HECW2: variants seen among roughly 807,000 people sequenced by gnomAD.
HECW2 encodes the protein E3 ubiquitin-protein ligase HECW2.
HECW2 carries 61 observed loss-of-function variants against 175.2 expected under a neutral mutation model. The ratio of observed to expected loss-of-function variants is 0.35; its 90% confidence interval spans 0.28 to 0.43. The LOEUF is 0.43. Among genes scored for constraint, HECW2 ranks in the 20% least tolerant of loss-of-function variants. HECW2 has a pLI of 1.00. For missense variants in HECW2, 1,524 were observed against 2,000.5 expected (o/e 0.76, Z 4.54); for synonymous variants, 671 against 731.0 (o/e 0.92, Z 1.32).
At chr2:196,321,681 T>C (rs1377599999) in intron 7 of HECW2, among the ~76,000 whole-genome samples, 2 of 152,200 alleles carry the variant, frequency 1.3e-5, no homozygotes, top group Non-Finnish European at 1.5e-5. Flanking sequence ...ATTACAGGAA[T>C]GAGCTGCCGT....
At position 196,542,266 on chromosome 2, in the gene HECW2, A is replaced by G. The variant is rs559921793; in HGVS notation, c.-36+51242T>C. On this transcript the variant is annotated intron_variant, in intron 1 of 28. Coordinates refer to ENST00000644978, the MANE Select transcript of HECW2 (RefSeq NM_001348768.2). ...GCGACAGAGTGAGACTCTGTCTCAG[A>G]AAAAAAAAAAAAAAAAGACAAAGGC... 9.0e-4 allele frequency among the ~76,000 whole-genome samples: 60 copies of G among 66,444 alleles called. 1 individual carries two copies. The South Asian group carries it at 0.022, about 24-fold the overall frequency. The allele number at this position is 66,444 out of a possible 152,430, so 43.6% of individuals were successfully genotyped here.
intron 13 of HECW2, among the ~76,000 whole-genome samples, chr2:196,295,006 G>A (rs1437355949): frequency 1.3e-5 from 2 of 152,292 alleles, no homozygotes; most frequent in East Asian, 3.9e-4. Context: ...AAGGAAAGAA[G>A]AAAGGAAGGG....
chr2:196,539,404 G>A (rs567422457), intron 1 of HECW2, among the ~76,000 whole-genome samples: 148 of 152,284 alleles, frequency 9.7e-4, no homozygotes, highest in Non-Finnish European at 1.4e-3. Flanking sequence ...AGGCCGAGGC[G>A]GGTGGATCAT....
chr2:196,251,236 C>T (rs1192676300), intron 19 of HECW2, among the ~76,000 whole-genome samples: 2 of 152,158 alleles, frequency 1.3e-5, no homozygotes, highest in Non-Finnish European at 2.9e-5. Context: ...AACCCGGCTC[C>T]CCTGAAAAGA....
chr2:196,398,852 T>C (rs541378055), intron 2 of HECW2, among the ~76,000 whole-genome samples: 1 of 152,136 alleles, frequency 6.6e-6, no homozygotes, highest in Non-Finnish European at 1.5e-5. Context: ...TGCACGCCTG[T>C]AGTCCCAGCT....
intron 13 of HECW2, 21 bp from the exon 14 acceptor site, chr2:196,292,771 C>G: frequency 6.3e-7 from 1 of 1,591,178 alleles, no homozygotes; most frequent in Non-Finnish European, 8.6e-7. Flanking sequence ...GAATGGAGAA[C>G]CAATGTTAAC....
intron 3 of HECW2, among the ~76,000 whole-genome samples, chr2:196,337,315 ATT>A (rs36056934): frequency 6.9e-6 from 1 of 145,362 alleles, no homozygotes; most frequent in Non-Finnish European, 1.5e-5. Context: ...CAAGAGGAGC[ATT>A]TTTTTTTTTT....
chr2:196,534,004 T>G (rs542543494), intron 1 of HECW2, among the ~76,000 whole-genome samples: 1 of 152,350 alleles, frequency 6.6e-6, no homozygotes, highest in East Asian at 1.9e-4. Context: ...TTGATTTGTT[T>G]TTCTGTTGCT....
At chr2:196,345,363 T>TA (rs1424216493) in intron 2 of HECW2, among the ~76,000 whole-genome samples, 3 of 152,188 alleles carry the variant, frequency 2.0e-5, no homozygotes, top group African/African-American at 4.8e-5. Context: ...TGTGCCCTGT[T>TA]AAAAATACCT....
chr2:196,512,628 A>G (rs2125418388), intron 1 of HECW2, among the ~76,000 whole-genome samples: 1 of 151,988 alleles, frequency 6.6e-6, no homozygotes, highest in East Asian at 1.9e-4. Flanking sequence ...GGCCTCAAGC[A>G]ATCCTACCGC....
At chr2:196,440,280 ATT>A (rs1234394290) in intron 1 of HECW2, among the ~76,000 whole-genome samples, 1 of 152,184 alleles carries the variant, frequency 6.6e-6, no homozygotes, top group African/African-American at 2.4e-5. Context: ...TAAAAACCTC[ATT>A]CAGATGTTTT....
At chr2:196,447,747 C>G (rs1257106352) in intron 1 of HECW2, among the ~76,000 whole-genome samples, 2 of 152,070 alleles carry the variant, frequency 1.3e-5, no homozygotes, top group Non-Finnish European at 2.9e-5. Flanking sequence ...AATGAATTAT[C>G]CCAACCCTCT....
intron 2 of HECW2, among the ~76,000 whole-genome samples, chr2:196,415,701 G>C (rs992355726): frequency 1.2e-4 from 19 of 152,250 alleles, no homozygotes; most frequent in African/African-American, 3.6e-4. Context: ...TGCTTAAACT[G>C]GCCTCTTAAA....
chr2:196,425,216 T>C (rs2125253361), intron 2 of HECW2, among the ~76,000 whole-genome samples: 1 of 72,362 alleles, frequency 1.4e-5, no homozygotes, highest in African/African-American at 5.1e-5. Context: ...TATTGAGACA[T>C]ACTGCTTGGA....
chr2:196,240,299 A>C, intron 21 of HECW2, 150 bp downstream of exon 21: 1 of 161,444 alleles, frequency 6.2e-6, no homozygotes, highest in Non-Finnish European at 1.3e-5. Flanking sequence ...GGAGACCTTT[A>C]AAAAAAAAAA....
chr2:196,488,268 T>C (rs949935168), intron 1 of HECW2, among the ~76,000 whole-genome samples: 4 of 152,150 alleles, frequency 2.6e-5, no homozygotes, highest in African/African-American at 4.8e-5. Context: ...CTTCCCCTCT[T>C]ACAATAAAAA....
At chr2:196,429,272 C>A (rs1191451798) in intron 2 of HECW2, among the ~76,000 whole-genome samples, 2 of 152,132 alleles carry the variant, frequency 1.3e-5, no homozygotes, top group Admixed American at 1.3e-4. Context: ...AGATTAAGGA[C>A]TTACTGCTCA....
chr2:196,400,585 T>C (rs1012570956), intron 2 of HECW2, among the ~76,000 whole-genome samples: 4 of 152,210 alleles, frequency 2.6e-5, no homozygotes, highest in Non-Finnish European at 5.9e-5. Flanking sequence ...TCTACTCCTA[T>C]TCCATAGCCT....
At chr2:196,507,139 C>T (rs1366700959) in intron 1 of HECW2, among the ~76,000 whole-genome samples, 2 of 100,276 alleles carry the variant, frequency 2.0e-5, no homozygotes, top group Admixed American at 1.1e-4. Context: ...ATATTACACA[C>T]GTTAGTGTGT....
Sources: gnomAD v4.1 joint callset for allele counts (sites outside exome capture counted in the v4.1 genomes callset) on GRCh38, gnomAD v4.1.1 for gene constraint, MANE v1.5 for transcripts, NCBI Gene and HGNC (gene_info 2026-07-23, HGNC 2026-07-21) for gene names.